CPLX4: variants seen among roughly 807,000 people sequenced by gnomAD.
CPLX4 encodes the protein complexin-4.
CPLX4 carries 17 observed loss-of-function variants against 16.1 expected under a neutral mutation model. The observed-to-expected ratio is 1.06, with a 90% CI of 0.72 to 1.59. CPLX4 has a LOEUF of 1.59. CPLX4 is among the 40% of genes most tolerant of loss of function. CPLX4 has a pLI of 0.00. For synonymous variants in CPLX4, 55 were observed against 57.8 expected (o/e 0.95, Z 0.22); for missense variants, 193 against 192.9 (o/e 1.00, Z 0.00).
chr18:59,310,707 T>C (rs538968516), intron 2 of CPLX4, among the ~76,000 whole-genome samples: 129 of 152,244 alleles, frequency 8.5e-4, no homozygotes, highest in African/African-American at 2.9e-3. Flanking sequence ...CAGACAAAGA[T>C]CCTATGAAGT....
At chr18:59,297,255 G>T (rs991256314) in intron 2 of CPLX4, among the ~76,000 whole-genome samples, 12 of 151,870 alleles carry the variant, frequency 7.9e-5, no homozygotes, top group African/African-American at 2.9e-4. Flanking sequence ...AGGAACTCTG[G>T]AGATGGAGCC....
Position 59,299,563 on chromosome 18 carries a change from G to A in CPLX4, c.256-2638C>T, listed in dbSNP as rs183957517. Reference sequence around the variant, plus strand: ...GTGCTCGCCTGCCTCCCATTCACAGGGAGACTTCAGCGAGGCCACCATCTA... The same window carrying A: ...GTGCTCGCCTGCCTCCCATTCACAGAGAGACTTCAGCGAGGCCACCATCTA... On this transcript the variant is annotated intron_variant, in intron 2 of 2. Coordinates refer to ENST00000299721, the MANE Select transcript of CPLX4 (RefSeq NM_181654.4). Among the ~76,000 whole-genome samples the A allele has an allele frequency of 3.2e-3, 492 of 152,264 alleles. 5 individuals are homozygous for A. Among genetic ancestry groups the A allele is most frequent in the African/African-American group, 0.011 (470 of 41,556 alleles).
At chr18:59,308,538 A>C (rs2070593515) in intron 2 of CPLX4, among the ~76,000 whole-genome samples, 1 of 142,670 alleles carries the variant, frequency 7.0e-6, no homozygotes, top group Non-Finnish European at 1.5e-5. Flanking sequence ...TGACCTATCA[A>C]GACTTTTTTT....
intron 1 of CPLX4, among the ~76,000 whole-genome samples, chr18:59,314,375 C>T (rs1568107512): frequency 6.6e-6 from 1 of 152,082 alleles, no homozygotes; most frequent in African/African-American, 2.4e-5. Flanking sequence ...ACCTATTCCT[C>T]TCTTTATCCA....
chr18:59,297,655 C>T (rs549351), intron 2 of CPLX4, among the ~76,000 whole-genome samples: 19,321 of 152,230 alleles, frequency 0.13, 2,379 homozygotes, highest in African/African-American at 0.32. Flanking sequence ...CACCCCAACT[C>T]TGCCTAAGGG....
chr18:59,307,912 C>T (rs12963708), intron 2 of CPLX4, among the ~76,000 whole-genome samples: 13,739 of 150,072 alleles, frequency 0.092, 741 homozygotes, highest in Middle Eastern at 0.14. Context: ...CCACCATGGC[C>T]GGCTAATTTT....
intron 1 of CPLX4, among the ~76,000 whole-genome samples, chr18:59,313,704 A>G (rs538356287): frequency 9.2e-5 from 14 of 152,340 alleles, no homozygotes; most frequent in African/African-American, 3.1e-4. Context: ...CTGTCAAAAT[A>G]ACAGATGAAC....
At chr18:59,308,566 A>T (rs1026119863) in intron 2 of CPLX4, among the ~76,000 whole-genome samples, 1 of 104,668 alleles carries the variant, frequency 9.6e-6, no homozygotes, top group Admixed American at 1.2e-4. Context: ...TTTTTAAGTC[A>T]CCTCTAGAAA....
At chr18:59,304,204 C>T (rs1170455499) in intron 2 of CPLX4, among the ~76,000 whole-genome samples, 1 of 152,150 alleles carries the variant, frequency 6.6e-6, no homozygotes, top group Non-Finnish European at 1.5e-5. Flanking sequence ...TCATATAGCT[C>T]AGCAGGGGTC....
At chr18:59,301,883 G>A (rs926254363) in intron 2 of CPLX4, among the ~76,000 whole-genome samples, 1 of 152,228 alleles carries the variant, frequency 6.6e-6, no homozygotes, top group Non-Finnish European at 1.5e-5. Context: ...TTAGAGGACT[G>A]TTGAGCAGAT....
At chr18:59,301,984 C>T (rs997309527) in intron 2 of CPLX4, among the ~76,000 whole-genome samples, 2 of 152,168 alleles carry the variant, frequency 1.3e-5, no homozygotes, top group Non-Finnish European at 2.9e-5. Context: ...GGAAAGAGGG[C>T]AGCTCAGTGT....
intron 2 of CPLX4, among the ~76,000 whole-genome samples, chr18:59,311,741 G>A (rs1305013894): frequency 6.6e-6 from 1 of 152,226 alleles, no homozygotes; most frequent in Non-Finnish European, 1.5e-5. Flanking sequence ...GGTGGTATGA[G>A]TCAGAGTAGC....
intron 2 of CPLX4, among the ~76,000 whole-genome samples, chr18:59,305,500 G>A (rs1054435847): frequency 1.3e-4 from 20 of 152,132 alleles, no homozygotes; most frequent in East Asian, 3.9e-4. Flanking sequence ...ATGACTTGGC[G>A]ATTTACTGGA....
chr18:59,298,617 A>G (rs2070519205), intron 2 of CPLX4, among the ~76,000 whole-genome samples: 1 of 149,266 alleles, frequency 6.7e-6, no homozygotes, highest in Admixed American at 6.9e-5. Context: ...TCTGAGGTGG[A>G]GTTAAAGACA....
intron 2 of CPLX4, among the ~76,000 whole-genome samples, chr18:59,306,059 G>A (rs1192029348): frequency 6.6e-6 from 1 of 150,486 alleles, no homozygotes; most frequent in African/African-American, 2.4e-5. Flanking sequence ...CTGAACATCT[G>A]GAAGAAGAAG....
At chr18:59,315,113 G>A (rs1000713741) in intron 1 of CPLX4, among the ~76,000 whole-genome samples, 2 of 152,100 alleles carry the variant, frequency 1.3e-5, no homozygotes, top group Non-Finnish European at 2.9e-5. Flanking sequence ...TCTCCAAAAT[G>A]GTCATACTAG....
chr18:59,308,607 C>T (rs972902632), intron 2 of CPLX4, among the ~76,000 whole-genome samples: 1 of 151,462 alleles, frequency 6.6e-6, no homozygotes, highest in African/African-American at 2.4e-5. Context: ...GTCCTGCCAC[C>T]ACCCGCAGCC....
At chr18:59,300,762 C>T (rs1001838360) in intron 2 of CPLX4, among the ~76,000 whole-genome samples, 4 of 152,182 alleles carry the variant, frequency 2.6e-5, no homozygotes, top group African/African-American at 7.2e-5. Context: ...TTGCTGTGGG[C>T]AGTCTTGCAC....
intron 1 of CPLX4, among the ~76,000 whole-genome samples, chr18:59,313,069 C>T (rs1161213860): frequency 1.3e-5 from 2 of 152,138 alleles, no homozygotes; most frequent in Non-Finnish European, 2.9e-5. Flanking sequence ...GACTGTTCAG[C>T]CAGGGACCAT....
Sources: gnomAD v4.1 joint callset for allele counts (sites outside exome capture counted in the v4.1 genomes callset) on GRCh38, gnomAD v4.1.1 for gene constraint, MANE v1.5 for transcripts, NCBI Gene and HGNC (gene_info 2026-07-23, HGNC 2026-07-21) for gene names.